Variants in ZNF185 observed in about 807,000 individuals in gnomAD.
ZNF185 encodes zinc finger protein 185 with LIM domain.
A neutral mutation model predicts 58.6 loss-of-function variants in ZNF185; 56 were observed. The ratio of observed to expected loss-of-function variants is 0.95; its 90% CI spans 0.77 to 1.19. The LOEUF (loss-of-function observed/expected upper bound fraction) is 1.19, where lower values mean the gene tolerates loss of function less well. Ranked by LOEUF, ZNF185 falls within the 50% of genes most tolerant of loss-of-function variation. The pLI, the probability that ZNF185 is intolerant of heterozygous loss-of-function variation, is 0.00. For missense variants in ZNF185, 627 were observed against 573.5 expected, an observed-to-expected ratio of 1.09 and a Z score of -0.95; for synonymous variants, 230 against 215.9, an observed-to-expected ratio of 1.07 and a Z score of -0.57.
intron 11 of ZNF185, among the ~76,000 whole-genome samples, chrX:152,928,358 A>G (rs1165986697): frequency 1.8e-5 from 2 of 111,304 alleles, no homozygotes; most frequent in African/African-American, 6.5e-5. Flanking sequence ...TGCCTGAGGG[A>G]GGGCTGGGCT....
intron 12 of ZNF185, among the ~76,000 whole-genome samples, 194 bp from the exon 14 acceptor site, chrX:152,931,478 T>C (rs1038422644): frequency 9.8e-5 from 11 of 112,336 alleles, no homozygotes; most frequent in African/African-American, 3.6e-4. Flanking sequence ...CAGGCTGGTC[T>C]TGAACTCCTG....
Position 152,951,481 on chromosome X carries a change from G to A in ZNF185, c.1409+6017G>A, listed in dbSNP as rs782785121. Among the ~76,000 whole-genome samples the A allele has an allele frequency of 1.3e-4, 15 of 111,504 alleles. No homozygotes were observed. In the East Asian group the frequency reaches 4.2e-3, roughly 31 times the overall value. On this transcript the variant is annotated intron_variant, in intron 16 of 22. Coordinates refer to ENST00000449285, the Ensembl canonical transcript of ZNF185. ...ATTTGTCATTTTAATTTGGGACAAA[G>A]CTATTCTCTTTTTCCTTAGGAAAAG...
the ZNF185 span, among the ~76,000 whole-genome samples, chrX:152,905,774 G>C: frequency 1.5e-4 from 17 of 110,644 alleles, no homozygotes; most frequent in Non-Finnish European, 2.9e-4. Context: ...CTTGGTGCTG[G>C]TGCTGGTGGT....
intron 17 of ZNF185, among the ~76,000 whole-genome samples, chrX:152,960,579 C>G (rs1339342616): frequency 8.9e-6 from 1 of 112,275 alleles, no homozygotes; most frequent in Admixed American, 9.4e-5. Context: ...GATCCACACC[C>G]AATTGTGATG....
intron 19 of ZNF185, among the ~76,000 whole-genome samples, chrX:152,966,881 T>A (rs781884192): frequency 6.2e-4 from 69 of 110,865 alleles, no homozygotes; most frequent in African/African-American, 1.9e-3. Flanking sequence ...ACTGTCACAT[T>A]ATATCATAGG....
chrX:152,950,067 A>G (rs1484744883), intron 16 of ZNF185, among the ~76,000 whole-genome samples: 2 of 112,218 alleles, frequency 1.8e-5, no homozygotes, highest in Non-Finnish European at 3.8e-5. Flanking sequence ...TTTGGGGGAT[A>G]AAGGAAGAAC....
In ZNF185 at chrX:152,919,063, C is replaced by G; in HGVS notation, c.512C>G (p.Ser171Ter). Residue 171 changes from serine (S) to a stop codon, truncating the protein, a stop_gained, in exon 7 of 23, where the codon TCA (serine) becomes TGA (stop). Transcript: ENST00000449285. LOFTEE classifies it high-confidence loss of function. ...GAGGAGGAGGTGGTGCCATTCTCCT[C>G]AGATGAACAGAAACGGAGGTAATGG... 1 of 1,208,142 alleles carries G rather than the reference C, an allele frequency of 8.3e-7. No homozygotes were observed. The highest frequency in any genetic ancestry group is 1.1e-6 in the Non-Finnish European group (1 of 893,033).
chrX:152,938,996 A>G (rs1556886053), intron 15 of ZNF185, among the ~76,000 whole-genome samples: 1 of 109,761 alleles, frequency 9.1e-6, no homozygotes, highest in African/African-American at 3.3e-5. Context: ...AGGTGGGAAC[A>G]TGCTTAGCAT....
At chrX:152,964,782 G>A (rs143593282) in intron 18 of ZNF185, among the ~76,000 whole-genome samples, 8,311 of 109,559 alleles carry the variant, frequency 0.076, 315 homozygotes, top group Non-Finnish European at 0.11. Flanking sequence ...CGGGAGGGGG[G>A]CATATCCAAG....
chrX:152,923,530 A>G (rs1940199992), intron 11 of ZNF185, among the ~76,000 whole-genome samples: 1 of 112,191 alleles, frequency 8.9e-6, no homozygotes, highest in African/African-American at 3.2e-5. Flanking sequence ...AAGATTTGAG[A>G]ATTCTTTACA....
intron 17 of ZNF185, among the ~76,000 whole-genome samples, chrX:152,960,991 G>A (rs1167596002): frequency 8.9e-6 from 1 of 112,352 alleles, no homozygotes; most frequent in African/African-American, 3.2e-5. Flanking sequence ...CAGGACATGT[G>A]GTAGAGGCTT....
intron 20 of ZNF185, among the ~76,000 whole-genome samples, chrX:152,967,686 G>A (rs1197268611): frequency 8.9e-6 from 1 of 112,387 alleles, no homozygotes. Context: ...AGAATGCCCA[G>A]TGCTGTGGAG....
chrX:152,900,232 T>C, the ZNF185 span, among the ~76,000 whole-genome samples: 1 of 112,267 alleles, frequency 8.9e-6, no homozygotes, highest in Non-Finnish European at 1.9e-5. Context: ...CTGGCCACGA[T>C]AGGCATCGGC....
Position 152,920,309 on chromosome X carries a change from C to T in ZNF185, c.531-19C>T. 4 of 1,206,001 alleles carry T rather than the reference C, an allele frequency of 3.3e-6. No individual in the cohort carries two copies. The highest frequency in any genetic ancestry group is 3.6e-5 in the South Asian group (2 of 56,295). ...AGCTTGGCACCCATCAGATGCTCCC[C>T]CATCCCGTGTCACCCCAGGTCAGAG... On this transcript the variant is annotated intron_variant, in intron 7 of 22. Coordinates refer to ENST00000449285, the Ensembl canonical transcript of ZNF185.
At chrX:152,965,260 C>T (rs1355857070) in intron 18 of ZNF185, among the ~76,000 whole-genome samples, 187 bp from the exon 21 acceptor site, 2 of 112,027 alleles carry the variant, frequency 1.8e-5, no homozygotes, top group Non-Finnish European at 3.8e-5. Flanking sequence ...AAGAGACGCT[C>T]ATGGCCTGGG....
chrX:152,903,331 G>A, the ZNF185 span, among the ~76,000 whole-genome samples: 148 of 91,033 alleles, frequency 1.6e-3, no homozygotes, highest in Middle Eastern at 6.9e-3. Context: ...GGAGGTTGCA[G>A]TGAGCCAAGA....
rs182875676 is a variant in ZNF185 at position 152,965,528 on chromosome X, G to A, written c.1799+1G>A. ...AGCCAGTATCTGCACGCTATAGCAA[G>A]TAAGAGCGGGTCCCAAACCCTTCCA... On this transcript the variant is annotated splice_donor_variant, in intron 19 of 22. Coordinates refer to ENST00000449285, the Ensembl canonical transcript of ZNF185. LOFTEE classifies it high-confidence loss of function. The A allele has an allele frequency of 1.6e-5, 19 of 1,174,453 alleles. No homozygotes were observed. Among genetic ancestry groups the A allele is most frequent in the Non-Finnish European group, 1.9e-5 (17 of 874,915 alleles).
At chrX:152,931,798 A>G in intron 13 of ZNF185, 22 bp downstream of exon 14, 1 of 1,169,618 alleles carries the variant, frequency 8.5e-7, no homozygotes, top group Non-Finnish European at 1.2e-6. Context: ...CAGGAAGCAG[A>G]CACTTCATTC....
At chrX:152,945,451 A>G in exon 16 of ZNF185, 1 of 1,199,862 alleles carries the variant, frequency 8.3e-7, no homozygotes, top group Admixed American at 2.2e-5. Flanking sequence ...CAGACGAGAG[A>G]GTTGTGGCAG....
Sources: gnomAD v4.1 joint callset for allele counts (sites outside exome capture counted in the v4.1 genomes callset) on GRCh38, gnomAD v4.1.1 for gene constraint, MANE v1.5 for transcripts, NCBI Gene and HGNC (gene_info 2026-07-23, HGNC 2026-07-21) for gene names.